ANO6: variants seen among roughly 807,000 people sequenced by gnomAD.
The protein encoded by ANO6 is anoctamin 6.
A neutral mutation model predicts 117.5 loss-of-function variants in ANO6; 106 were observed. The ratio of observed to expected loss-of-function variants is 0.90; its 90% CI spans 0.77 to 1.06. ANO6 has a LOEUF of 1.06. ANO6 is among the 50% of genes least tolerant of loss of function. The probability of loss-of-function intolerance (pLI) is 0.00; values close to 1 mark genes in which losing one functional copy is unlikely to be tolerated. For missense variants in ANO6, 955 were observed against 1,121.1 expected, an observed-to-expected ratio of 0.85 and a Z score of 2.12; for synonymous variants, 367 against 385.1, an observed-to-expected ratio of 0.95 and a Z score of 0.55.
intron 11 of ANO6, among the ~76,000 whole-genome samples, chr12:45,388,694 T>C (rs146201098): frequency 5.6e-4 from 85 of 152,330 alleles, no homozygotes; most frequent in African/African-American, 2.0e-3. Flanking sequence ...AGCCCCTTAT[T>C]CATCCTAGAC....
intron 8 of ANO6, among the ~76,000 whole-genome samples, chr12:45,363,628 G>A (rs1207430619): frequency 3.9e-5 from 6 of 151,912 alleles, no homozygotes; most frequent in Non-Finnish European, 4.4e-5. Flanking sequence ...GATATGATTT[G>A]GCTGTGTCCT....
intron 12 of ANO6, among the ~76,000 whole-genome samples, chr12:45,401,302 A>G (rs1942779727): frequency 6.6e-6 from 1 of 152,238 alleles, no homozygotes; most frequent in Non-Finnish European, 1.5e-5. Context: ...TGTTGCAAGG[A>G]AATGTAGCTC....
chr12:45,342,558 A>G (rs888173521), intron 3 of ANO6, among the ~76,000 whole-genome samples: 3 of 152,134 alleles, frequency 2.0e-5, no homozygotes, highest in African/African-American at 7.2e-5. Context: ...TAATAGCCAT[A>G]AGTAAAAGTA....
intron 3 of ANO6, among the ~76,000 whole-genome samples, chr12:45,341,282 T>G (rs1940972653): frequency 6.6e-6 from 1 of 152,184 alleles, no homozygotes; most frequent in Non-Finnish European, 1.5e-5. Flanking sequence ...TTGAATACAC[T>G]CTTTAACAAT....
At chr12:45,258,614 G>A (rs1937918765) in intron 1 of ANO6, among the ~76,000 whole-genome samples, 1 of 151,908 alleles carries the variant, frequency 6.6e-6, no homozygotes. Context: ...TGCCTTCCCT[G>A]TACACTGTGA....
rs1205735579 is a variant in ANO6, at chr12:45,439,231, C to T, written c.2527-444C>T. On this transcript the variant is annotated intron_variant, in intron 19 of 19. Coordinates refer to the ANO6 transcript ENST00000425752. ...TGAGTCACAGTCCAGGATGCAGTTA[C>T]AGTAGCCTACTAGAGTGGGCTGATG... 2.6e-5 allele frequency among the ~76,000 whole-genome samples: 4 copies of T among 152,182 alleles called. No individual in the cohort carries two copies. In the East Asian group the frequency reaches 7.7e-4, roughly 29 times the overall value.
At chr12:45,314,295 T>G (rs1211946669) in intron 2 of ANO6, among the ~76,000 whole-genome samples, 1 of 151,886 alleles carries the variant, frequency 6.6e-6, no homozygotes, top group Non-Finnish European at 1.5e-5. Context: ...GACCATAATG[T>G]ACACCCAGGT....
At chr12:45,320,549 A>G (rs1275912299) in intron 2 of ANO6, among the ~76,000 whole-genome samples, 1 of 152,116 alleles carries the variant, frequency 6.6e-6, no homozygotes, top group Non-Finnish European at 1.5e-5. Flanking sequence ...CTACGTGGTC[A>G]GTTTTGGAAT....
chr12:45,236,751 G>C (rs1947651594), intron 1 of ANO6, among the ~76,000 whole-genome samples: 1 of 152,150 alleles, frequency 6.6e-6, no homozygotes. Context: ...CCCAGTAATG[G>C]GATGGCTGGG....
chr12:45,238,715 A>G (rs1241694071), intron 1 of ANO6, among the ~76,000 whole-genome samples: 1 of 152,184 alleles, frequency 6.6e-6, no homozygotes, highest in Non-Finnish European at 1.5e-5. Flanking sequence ...GATATGTTCC[A>G]TCAATACCTA....
chr12:45,342,659 G>C (rs1941013099), intron 3 of ANO6, among the ~76,000 whole-genome samples: 1 of 152,132 alleles, frequency 6.6e-6, no homozygotes, highest in African/African-American at 2.4e-5. Flanking sequence ...CGGCTTAACA[G>C]GCAGTCATCG....
intron 1 of ANO6, among the ~76,000 whole-genome samples, chr12:45,262,685 G>C (rs985592041): frequency 4.6e-5 from 7 of 152,112 alleles, no homozygotes; most frequent in Non-Finnish European, 1.0e-4. Context: ...CGGCCTCCCA[G>C]AGTGCTGGGA....
intron 15 of ANO6, among the ~76,000 whole-genome samples, chr12:45,404,446 G>A (rs957733148): frequency 6.6e-6 from 1 of 152,070 alleles, no homozygotes. Flanking sequence ...AAAATAACAT[G>A]TAATATTTTA....
intron 8 of ANO6, among the ~76,000 whole-genome samples, chr12:45,359,256 A>G (rs1020548064): frequency 1.3e-5 from 2 of 152,122 alleles, no homozygotes; most frequent in African/African-American, 4.8e-5. Context: ...ATTTCATAAA[A>G]GTATTTAAAT....
At chr12:45,243,195 T>C (rs962292403) in intron 1 of ANO6, among the ~76,000 whole-genome samples, 1 of 152,308 alleles carries the variant, frequency 6.6e-6, no homozygotes, top group South Asian at 2.1e-4. Context: ...GGCATGCACC[T>C]GTAGTCTCAG....
intron 1 of ANO6, chr12:45,256,817 G>A (rs1937851104): frequency 6.6e-6 from 1 of 152,102 alleles, no homozygotes; most frequent in Non-Finnish European, 1.5e-5. Context: ...TTAAACTGAA[G>A]ATATATTAAT....
intron 9 of ANO6, among the ~76,000 whole-genome samples, chr12:45,374,755 T>G (rs1389715540): frequency 2.0e-5 from 3 of 151,358 alleles, no homozygotes; most frequent in South Asian, 4.2e-4. Flanking sequence ...TCATACTGAA[T>G]GGGCAAAAAC....
chr12:45,216,146 C>T lies in ANO6; in HGVS notation c.-176C>T. ...AGAGGCGTCCTCCGGCTCTGGGCTC[C>T]GGTCGGTGGGTGCCTCGGCTCGGCT... On this transcript the variant is annotated 5_prime_UTR_variant, in exon 1 of 20. Transcript: ENST00000320560. The T allele has an allele frequency of 1.5e-6, 1 of 673,392 alleles. No homozygotes were observed. The highest frequency in any genetic ancestry group is 1.8e-5 in the South Asian group (1 of 54,106). The allele number at this position is 673,392 out of a possible 1,614,324, so 41.7% of individuals were successfully genotyped here.
At chr12:45,342,583 G>T (rs149267839) in intron 3 of ANO6, among the ~76,000 whole-genome samples, 2 of 151,986 alleles carry the variant, frequency 1.3e-5, no homozygotes, top group Non-Finnish European at 2.9e-5. Context: ...GAAAATTTGG[G>T]GGGCTCAGAA....
Sources: allele counts gnomAD v4.1 joint callset (sites outside exome capture counted in the v4.1 genomes callset), GRCh38; gene constraint gnomAD v4.1.1; transcripts MANE v1.5; gene names NCBI Gene and HGNC (gene_info 2026-07-23, HGNC 2026-07-21).